The following ADH6 variants were observed in gnomAD, a reference collection of about 807,000 sequenced individuals.
ADH6 encodes alcohol dehydrogenase 6 (class V).
ADH6 carries 34 observed loss-of-function variants against 36.5 expected under a neutral mutation model. That is an observed-to-expected ratio of 0.93 (90% CI 0.71 to 1.24). The LOEUF (loss-of-function observed/expected upper bound fraction) is 1.24. Among genes scored for constraint, ADH6 ranks in the 50% most tolerant of loss-of-function variants. ADH6 has a pLI of 0.00. For missense variants in ADH6, 440 were observed against 447.0 expected (o/e 0.98, Z 0.14); for synonymous variants, 161 against 155.5 (o/e 1.04, Z -0.26).
intron 2 of ADH6, among the ~76,000 whole-genome samples, chr4:99,215,382 T>G (rs1339452644): frequency 6.6e-6 from 1 of 152,200 alleles, no homozygotes; most frequent in East Asian, 1.9e-4. Flanking sequence ...GTAAACTATT[T>G]TCTAGTTTGG....
At chr4:99,214,972 C>T (rs1182060510) in intron 2 of ADH6, among the ~76,000 whole-genome samples, 1 of 152,212 alleles carries the variant, frequency 6.6e-6, no homozygotes, top group Non-Finnish European at 1.5e-5. Flanking sequence ...TTTTGCTGAT[C>T]GTGGTTAAAA....
chr4:99,213,781 C>T, intron 2 of ADH6, 34 bp from the exon 3 acceptor site: 1 of 1,527,996 alleles, frequency 6.5e-7, no homozygotes. Flanking sequence ...GCAGTTCCCG[C>T]TGTTTCAGAT....
At chr4:99,211,008 C>G (rs1229316799) in intron 3 of ADH6, among the ~76,000 whole-genome samples, 1 of 152,048 alleles carries the variant, frequency 6.6e-6, no homozygotes, top group Non-Finnish European at 1.5e-5. Flanking sequence ...TAGTAGTGGT[C>G]AAAGTATCAG....
In ADH6 at chr4:99,219,019, A is replaced by T. The variant is rs193001936; in HGVS notation, c.18+116T>A. 87 of 973,986 alleles carry T rather than the reference A, an allele frequency of 8.9e-5. No individual in the cohort carries two copies. The East Asian group carries it at 2.0e-3, about 23-fold the overall frequency. 60.3% of individuals were successfully genotyped at this position (973,986 alleles called of 1,614,324 possible). Reference sequence around the variant, plus strand: ...GAGGAGGAGAGATACTATGATTATGACAGCCTCTCACCTTTAGGAGCCCAG... The same window carrying T: ...GAGGAGGAGAGATACTATGATTATGTCAGCCTCTCACCTTTAGGAGCCCAG... On this transcript the variant is annotated intron_variant, in intron 1 of 8. Transcript: ENST00000394899.
chr4:99,218,950 A>G (rs947485682), intron 1 of ADH6, among the ~76,000 whole-genome samples, 185 bp downstream of exon 1: 2 of 152,224 alleles, frequency 1.3e-5, no homozygotes, highest in African/African-American at 4.8e-5. Flanking sequence ...TGAAGAGATG[A>G]AAGAACTGAG....
intron 8 of ADH6, chr4:99,204,655 G>GT (rs1293404276): frequency 1.7e-6 from 2 of 1,189,924 alleles, no homozygotes; most frequent in African/African-American, 3.2e-5. Context: ...AATATGTCAT[G>GT]TAAAAAAAAA....
chr4:99,214,239 C>A (rs553260626), intron 2 of ADH6, among the ~76,000 whole-genome samples: 1 of 152,012 alleles, frequency 6.6e-6, no homozygotes, highest in Non-Finnish European at 1.5e-5. Context: ...AATAAATAAA[C>A]AAATTAGCCA....
At chr4:99,205,441 G>T (rs1730994136) in intron 7 of ADH6, among the ~76,000 whole-genome samples, 1 of 151,992 alleles carries the variant, frequency 6.6e-6, no homozygotes. Flanking sequence ...ACATTTTTTT[G>T]TGTGTGCATT....
At chr4:99,214,639 G>A (rs943260452) in intron 2 of ADH6, among the ~76,000 whole-genome samples, 2 of 152,008 alleles carry the variant, frequency 1.3e-5, no homozygotes, top group African/African-American at 4.8e-5. Context: ...TGAACTTGGG[G>A]GTAAATTTTT....
chr4:99,213,956 T>C (rs537208917), intron 2 of ADH6, among the ~76,000 whole-genome samples: 8 of 152,304 alleles, frequency 5.3e-5, no homozygotes, highest in South Asian at 2.1e-4. Flanking sequence ...ATCAAGATGA[T>C]TGAAAATTTA....
intron 1 of ADH6, among the ~76,000 whole-genome samples, chr4:99,217,634 C>T (rs967364833): frequency 3.3e-5 from 5 of 152,208 alleles, no homozygotes; most frequent in South Asian, 2.1e-4. Context: ...GGATACTTAA[C>T]GTTGATTCTA....
intron 1 of ADH6, among the ~76,000 whole-genome samples, chr4:99,216,506 T>C (rs994755018): frequency 2.0e-5 from 3 of 152,120 alleles, no homozygotes; most frequent in Non-Finnish European, 2.9e-5. Context: ...AAATGTAACA[T>C]GACCAAGAGG....
chr4:99,215,472 T>G (rs906600110), intron 2 of ADH6, among the ~76,000 whole-genome samples: 1 of 152,206 alleles, frequency 6.6e-6, no homozygotes, highest in Non-Finnish European at 1.5e-5. Context: ...TAAATCACAA[T>G]TGCAGAATTT....
rs747802517 is a variant in ADH6, at chr4:99,204,230, G to A, written c.1117C>T (p.Leu373=). 28 of 1,601,270 alleles carry A rather than the reference G, an allele frequency of 1.7e-5. No individual in the cohort carries two copies. The highest frequency in any genetic ancestry group is 3.3e-5 in the South Asian group (3 of 90,046). The change falls in exon 9 of 9, where the codon CTG becomes TTG. Residue 373 remains leucine (L), a synonymous_variant. Coordinates refer to ENST00000394899, the MANE Select transcript of ADH6 (RefSeq NM_001102470.2). The part of the protein sequence containing the change: ...MKTGKCIRCI[L]LL ...GTATTACATTGTACTTAAAGTAACA[G>A]GATACAGCGGATACTGAAAAAAAGA...
At chr4:99,217,465 T>G (rs1394103239) in intron 1 of ADH6, among the ~76,000 whole-genome samples, 1 of 152,176 alleles carries the variant, frequency 6.6e-6, no homozygotes, top group African/African-American at 2.4e-5. Flanking sequence ...TAAGAACATG[T>G]GATATTTGTC....
intron 7 of ADH6, among the ~76,000 whole-genome samples, 162 bp downstream of exon 7, chr4:99,207,283 AC>A (rs1731067485): frequency 1.3e-5 from 2 of 152,126 alleles, no homozygotes; most frequent in African/African-American, 2.4e-5. Flanking sequence ...CACTAGATAC[AC>A]CCACTATCCA....
rs1435574355 is a variant in ADH6, at chr4:99,208,743, A to G, written c.753T>C (p.Ile251=). The change falls in exon 6 of 9, where the codon ATT becomes ATC. Residue 251 remains isoleucine, a synonymous_variant. Coordinates refer to ENST00000394899, the MANE Select transcript of ADH6 (RefSeq NM_001102470.2). The part of the protein sequence containing the change: ...CLNPQDLKKP[I]QEVLFDMTDA... Reference sequence around the variant, plus strand: ...CTGTCATATCAAATAAAACTTCTTGAATGGGTTTCTTTAAGTCCTGAGGGT... The same window carrying G: ...CTGTCATATCAAATAAAACTTCTTGGATGGGTTTCTTTAAGTCCTGAGGGT... 3 of 1,613,878 alleles carry G rather than the reference A, an allele frequency of 1.9e-6. No homozygotes were observed. The East Asian group carries it at 6.7e-5, about 36-fold the overall frequency.
At chr4:99,205,721 CA>C (rs1289278624) in intron 7 of ADH6, among the ~76,000 whole-genome samples, 1 of 152,076 alleles carries the variant, frequency 6.6e-6, no homozygotes, top group Non-Finnish European at 1.5e-5. Context: ...TGCTAAGTGC[CA>C]CGCTCAGTGA....
chr4:99,219,095 C>G, intron 1 of ADH6, 40 bp downstream of exon 1: 1 of 1,598,886 alleles, frequency 6.3e-7, no homozygotes, highest in South Asian at 1.1e-5. Context: ...CACAAACTGA[C>G]AAAGATATGA....
Sources: allele counts gnomAD v4.1 joint callset (sites outside exome capture counted in the v4.1 genomes callset), GRCh38; gene constraint gnomAD v4.1.1; transcripts MANE v1.5; gene names NCBI Gene and HGNC (gene_info 2026-07-23, HGNC 2026-07-21).